TOX: variants seen among roughly 807,000 people sequenced by gnomAD.
TOX encodes thymocyte selection associated high mobility group box.
TOX carries 11 observed loss-of-function variants against 53.7 expected under a neutral mutation model. That is an observed-to-expected ratio of 0.20 (90% confidence interval 0.13 to 0.34). The LOEUF (loss-of-function observed/expected upper bound fraction) is 0.34, where lower values mean the gene tolerates loss of function less well. Ranked by LOEUF, TOX falls within the 10% of genes least tolerant of loss-of-function variation. TOX has a pLI of 1.00. For missense variants in TOX, 570 were observed against 664.6 expected (o/e 0.86, Z 1.56); for synonymous variants, 225 against 245.3 (o/e 0.92, Z 0.77).
At chr8:58,876,852 A>T (rs1811294380) in intron 3 of TOX, among the ~76,000 whole-genome samples, 1 of 152,182 alleles carries the variant, frequency 6.6e-6, no homozygotes, top group African/African-American at 2.4e-5. Flanking sequence ...AGCCAGTTTC[A>T]TTTTTCTCCT....
In TOX at chr8:59,117,874, G is replaced by A. The variant is rs1586030163; in HGVS notation, c.102+1012C>T. On this transcript the variant is annotated intron_variant, in intron 1 of 8. Coordinates refer to ENST00000361421, the MANE Select transcript of TOX (RefSeq NM_014729.3). The surrounding 1 kb of genome is among the most constrained non-coding windows in gnomAD (Gnocchi z 4.6). ...TCATCCAACGGGACTGCTTAGACAC[G>A]TCCAACTAGCCCTAGGCGTGGGCAG... 6.6e-6 allele frequency among the ~76,000 whole-genome samples: 1 copy of A among 152,216 alleles called. No homozygotes were observed. Among genetic ancestry groups the A allele is most frequent in the East Asian group, 1.9e-4 (1 of 5,192 alleles).
At chr8:59,113,952 T>C (rs1805061669) in intron 1 of TOX, among the ~76,000 whole-genome samples, 1 of 152,198 alleles carries the variant, frequency 6.6e-6, no homozygotes, top group South Asian at 2.1e-4. Context: ...TGCTCCCCAC[T>C]ACCTTCGTCA....
Position 58,827,549 on chromosome 8 carries a change from G to A in TOX, c.925-647C>T, listed in dbSNP as rs375653302. Among the ~76,000 whole-genome samples the A allele has an allele frequency of 1.2e-4, 19 of 152,304 alleles. No homozygotes were observed. In the East Asian group the frequency reaches 1.9e-3, roughly 15 times the overall value. On this transcript the variant is annotated intron_variant, in intron 5 of 8. Transcript: ENST00000361421. Reference sequence around the variant, plus strand: ...CTGCCCTGCAGTCCACTCTGGTCACGTCCTTTCCAAGAAAAACACTGGATG... The same window carrying A: ...CTGCCCTGCAGTCCACTCTGGTCACATCCTTTCCAAGAAAAACACTGGATG...
At chr8:58,824,666 T>C (rs1302337513) in intron 6 of TOX, among the ~76,000 whole-genome samples, 2 of 152,260 alleles carry the variant, frequency 1.3e-5, no homozygotes, top group Admixed American at 6.5e-5. Flanking sequence ...TCTCTTGCTT[T>C]ATCTCCTCCA....
chr8:58,806,422 C>T lies in TOX; in HGVS notation c.*1325G>A, dbSNP rs939479744. On this transcript the variant is annotated 3_prime_UTR_variant, in exon 9 of 9. Coordinates refer to ENST00000361421, the MANE Select transcript of TOX (RefSeq NM_014729.3). Reference sequence around the variant, plus strand: ...GTTTGGTTTGACTTTTACTTTTTTGCGGGGGGCGGGGGGTGGTGGTTCAGA... The same window carrying T: ...GTTTGGTTTGACTTTTACTTTTTTGTGGGGGGCGGGGGGTGGTGGTTCAGA... 3 of 145,652 alleles carry T rather than the reference C, an allele frequency of 2.1e-5. No individual in the cohort carries two copies. Among genetic ancestry groups the T allele is most frequent in the East Asian group, 2.0e-4 (1 of 4,976 alleles). The allele number at this position is 145,652 out of a possible 1,614,324, so 9.0% of individuals were successfully genotyped here. A position where few individuals can be genotyped will look rare whatever the true frequency, so the allele number is the denominator to read the frequency against.
rs148800261 is a variant in TOX, at chr8:59,021,463, C to CAAAAAAAA, written c.103-61463_103-61456dup. ...GCCAGGCAACAGGTTTTTCTACAAG[C>CAAAAAAAA]AAAAAAAAAAAAAAAAAAATATATA... On this transcript the variant is annotated intron_variant, in intron 1 of 8. Coordinates refer to ENST00000361421, the MANE Select transcript of TOX (RefSeq NM_014729.3). Among the ~76,000 whole-genome samples the CAAAAAAAA allele has an allele frequency of 6.9e-4, 48 of 69,676 alleles. 1 individual carries two copies. The highest frequency in any genetic ancestry group is 1.3e-3 in the Non-Finnish European group (42 of 32,256). 45.7% of individuals were successfully genotyped at this position (69,676 alleles called of 152,430 possible).
intron 1 of TOX, among the ~76,000 whole-genome samples, chr8:59,031,752 C>T (rs146214709): frequency 3.1e-4 from 47 of 152,200 alleles, no homozygotes; most frequent in Non-Finnish European, 5.4e-4. Flanking sequence ...CCAGACTGAG[C>T]GAGCAGGTTG....
chr8:58,862,084 C>T (rs1420551820), intron 3 of TOX, among the ~76,000 whole-genome samples: 1 of 152,034 alleles, frequency 6.6e-6, no homozygotes, highest in Non-Finnish European at 1.5e-5. Context: ...GGAAATCATC[C>T]AATAATCCTT....
intron 1 of TOX, among the ~76,000 whole-genome samples, chr8:59,052,410 A>C (rs991363025): frequency 6.6e-6 from 1 of 152,194 alleles, no homozygotes; most frequent in Non-Finnish European, 1.5e-5. Flanking sequence ...GTGGAAATAA[A>C]TCATATTATT....
chr8:59,064,290 G>A (rs1366357328), intron 1 of TOX, among the ~76,000 whole-genome samples: 3 of 152,128 alleles, frequency 2.0e-5, no homozygotes, highest in Non-Finnish European at 2.9e-5. Context: ...TAGGGACCTG[G>A]GTGATCGTAT....
chr8:59,070,932 G>T (rs1044229510), intron 1 of TOX, among the ~76,000 whole-genome samples: 1 of 152,072 alleles, frequency 6.6e-6, no homozygotes, highest in Admixed American at 6.6e-5. Flanking sequence ...ACCCCTGTAC[G>T]ATAGAGAAAT....
chr8:59,114,639 T>TAG (rs746704285), intron 1 of TOX, among the ~76,000 whole-genome samples: 12 of 152,188 alleles, frequency 7.9e-5, no homozygotes, highest in Non-Finnish European at 1.5e-4. Flanking sequence ...GATGAAGAAC[T>TAG]AATCAAGCAT....
In TOX at chr8:58,933,058, A is replaced by T. The variant is rs148636741; in HGVS notation, c.411+6244T>A. 2.6e-5 allele frequency among the ~76,000 whole-genome samples: 4 copies of T among 152,268 alleles called. No individual in the cohort carries two copies. In the East Asian group the frequency reaches 7.7e-4, roughly 29 times the overall value. On this transcript the variant is annotated intron_variant, in intron 3 of 8. Transcript: ENST00000361421. ...TGAAATCGCCTTTGTTGCTTTCCTC[A>T]TTGTAAATTTTCTATAATGCGTCAT...
chr8:58,981,168 T>C (rs910138899), intron 1 of TOX, among the ~76,000 whole-genome samples: 1 of 152,206 alleles, frequency 6.6e-6, no homozygotes, highest in Non-Finnish European at 1.5e-5. Context: ...CTGAACTCTG[T>C]GGATGTCAAA....
chr8:58,849,395 C>G (rs7813495), intron 4 of TOX, among the ~76,000 whole-genome samples: 7,967 of 152,184 alleles, frequency 0.052, 551 homozygotes, highest in African/African-American at 0.16. Flanking sequence ...GCAATGCTTA[C>G]ACAGTCCACT....
At chr8:58,964,379 G>A (rs1410200430) in intron 1 of TOX, among the ~76,000 whole-genome samples, 2 of 152,124 alleles carry the variant, frequency 1.3e-5, no homozygotes, top group African/African-American at 4.8e-5. Context: ...GCCCAGGTGA[G>A]AAGAGTAAGC....
At chr8:59,001,614 A>C (rs1454926358) in intron 1 of TOX, among the ~76,000 whole-genome samples, 2 of 152,224 alleles carry the variant, frequency 1.3e-5, no homozygotes, top group Non-Finnish European at 2.9e-5. Flanking sequence ...CCTGAGCTTG[A>C]AGATAAAGAA....
chr8:58,816,810 T>A (rs1335302808), intron 6 of TOX, among the ~76,000 whole-genome samples: 1 of 152,194 alleles, frequency 6.6e-6, no homozygotes, highest in Non-Finnish European at 1.5e-5. Context: ...TTCTGCTCAA[T>A]GCACCACCGG....
At chr8:58,969,551 T>A (rs908228232) in intron 1 of TOX, among the ~76,000 whole-genome samples, 3 of 152,242 alleles carry the variant, frequency 2.0e-5, no homozygotes, top group Non-Finnish European at 4.4e-5. Flanking sequence ...TGCTGATTTA[T>A]CTAAATTTTT....
Sources: allele counts gnomAD v4.1 joint callset (sites outside exome capture counted in the v4.1 genomes callset), GRCh38; gene constraint gnomAD v4.1.1; non-coding constraint Gnocchi (gnomAD v3.1); transcripts MANE v1.5; gene names NCBI Gene and HGNC (gene_info 2026-07-23, HGNC 2026-07-21).